MUC4: variants seen among roughly 807,000 people sequenced by gnomAD.
The protein encoded by MUC4 is mucin 4, cell surface associated.
In MUC4, 202 loss-of-function variants were observed where a neutral mutation model predicts 257.9. The observed-to-expected ratio is 0.78, with a 90% CI of 0.70 to 0.88. The LOEUF (loss-of-function observed/expected upper bound fraction) is 0.88, where lower values mean the gene tolerates loss of function less well. Ranked by LOEUF, MUC4 falls within the 40% of genes least tolerant of loss-of-function variation. MUC4 has a pLI of 0.00. For missense variants in MUC4, 5,976 were observed against 6,513.7 expected (o/e 0.92, Z 2.84); for synonymous variants, 2,351 against 2,757.1 (o/e 0.85, Z 4.62).
chr3:195,761,143 C>A (rs1560241359), intron 15 of MUC4, 26 bp from the exon 16 acceptor site: 3 of 1,591,668 alleles, frequency 1.9e-6, no homozygotes, highest in African/African-American at 2.7e-5. Flanking sequence ...CGCGGTGGTA[C>A]CAGGCATGGC....
At position 195,762,211 on chromosome 3, in the gene MUC4, G is replaced by A. The variant is rs1334954401; in HGVS notation, c.14388C>T (p.Asn4796=). The change falls in exon 14 of 25, where the codon AAC becomes AAT. Residue 4796 remains asparagine, a synonymous_variant. Coordinates refer to ENST00000463781, the MANE Select transcript of MUC4 (RefSeq NM_018406.7). Reference sequence around the variant, plus strand: ...CGAAGCTGGCCGAGACCTCAGAGCCGTTGCGGCTCAGGAGGACTCCGGTGG... The same window carrying A: ...CGAAGCTGGCCGAGACCTCAGAGCCATTGCGGCTCAGGAGGACTCCGGTGG... ...FNATGVLLSR[N]GSEVSASFDG... 1.3e-6 allele frequency: 2 copies of A among 1,596,900 alleles called. No individual in the cohort carries two copies. Among genetic ancestry groups the A allele is most frequent in the Admixed American group, 1.7e-5 (1 of 57,960 alleles).
chr3:195,762,115 C>A lies in MUC4; in HGVS notation c.14484G>T (p.Glu4828Asp). The stretch of plus-strand genomic sequence containing the variant: ...GGAGCCCCTCCGTGCGGTTCTGGTA[C>A]TCGGGCGGGAGGCTGGCGGAGGCGT... ...ILHASASLPP[E>D]YQNRTEGLLG... The change falls in exon 14 of 25, where the codon GAG becomes GAT. Residue 4828 changes from glutamate to aspartate, a missense_variant. Physicochemically the swap from Glu to Asp is conservative, Grantham distance 45. Transcript: ENST00000463781. 6.2e-7 allele frequency: 1 copy of A among 1,606,264 alleles called. No individual in the cohort carries two copies. Among genetic ancestry groups the A allele is most frequent in the Non-Finnish European group, 8.5e-7 (1 of 1,178,236 alleles).
At chr3:195,762,402 C>G in intron 13 of MUC4, 148 bp from the exon 14 acceptor site, 1 of 880,344 alleles carries the variant, frequency 1.1e-6, no homozygotes, top group Non-Finnish European at 1.7e-6. Flanking sequence ...AAGAGGCCGG[C>G]GAGCTGCACG....
intron 1 of MUC4, 121 bp downstream of exon 1, chr3:195,811,615 T>C (rs1736757067): frequency 1.3e-6 from 1 of 798,470 alleles, no homozygotes; most frequent in East Asian, 2.7e-5. Context: ...CTCTTCGCTG[T>C]CTCCCTTTCC....
At chr3:195,751,876 T>A in intron 21 of MUC4, 1 of 193,680 alleles carries the variant, frequency 5.2e-6, no homozygotes, top group Non-Finnish European at 1.1e-5. Context: ...TGATTGTCCC[T>A]GTGTTTACAG....
chr3:195,805,155 G>C (rs1410289663), intron 1 of MUC4, among the ~76,000 whole-genome samples: 1 of 151,366 alleles, frequency 6.6e-6, no homozygotes, highest in Non-Finnish European at 1.5e-5. Context: ...CCACCTCCCA[G>C]GTTCAAGTCC....
chr3:195,788,996 C>T lies in MUC4; in HGVS notation c.2584G>A (p.Gly862Arg), dbSNP rs745408247. The T allele has an allele frequency of 6.2e-7, 1 of 1,613,818 alleles. No homozygotes were observed. The highest frequency in any genetic ancestry group is 1.1e-5 in the South Asian group (1 of 91,066). The change falls in exon 2 of 25, where the codon GGA becomes AGA. Residue 862 changes from glycine to arginine, a missense_variant. Around this residue, in one of 44 missense-constraint regions of MUC4, gnomAD observed 1,583 missense variants for 1,257.4 expected, o/e 1.26. Transcript: ENST00000463781. ...CCGGGGACGATCGAAGACGCCATTCCTGTGCTTACTGGGATGGCACCATGA... is the reference window on the plus strand; with the variant it reads ...CCGGGGACGATCGAAGACGCCATTCTTGTGCTTACTGGGATGGCACCATGA... The part of the protein sequence containing the change: ...ASHGAIPVST[G>R]MASSIVPGTF...
intron 14 of MUC4, 136 bp from the exon 15 acceptor site, chr3:195,761,721 G>A (rs560173059): frequency 2.9e-6 from 2 of 684,128 alleles, no homozygotes; most frequent in East Asian, 2.7e-5. Context: ...GCCTCCAGGG[G>A]AGCCGGGAGG....
chr3:195,756,903 C>T (rs1717788155), intron 18 of MUC4, among the ~76,000 whole-genome samples: 1 of 152,042 alleles, frequency 6.6e-6, no homozygotes, highest in Admixed American at 6.6e-5. Flanking sequence ...CCTTGTGATC[C>T]GCTTGCCTCA....
Position 195,774,259 on chromosome 3 carries a change from G to T in MUC4, c.12990C>A (p.Phe4330Leu). 6.3e-7 allele frequency: 1 copy of T among 1,599,584 alleles called. No individual in the cohort carries two copies. Among genetic ancestry groups the T allele is most frequent in the Non-Finnish European group, 8.5e-7 (1 of 1,174,016 alleles). ...PYGAGAGDLE[F>L]VRRTVDFTSP... is the part of the protein sequence containing the mutation. ...AGGTGAAGTCCACGGTCCTCCTGAC[G>T]AACTCCAGGTCCCCGGCGCCTGCCC... is the stretch of plus-strand genomic sequence containing the variant. Residue 4330 changes from phenylalanine (F) to leucine (L), a missense_variant, in exon 4 of 25, where the codon TTC (phenylalanine) becomes TTA (leucine). Physicochemically the swap from Phe to Leu is conservative, Grantham distance 22 (BLOSUM62 0). Around this residue, in one of 44 missense-constraint regions of MUC4, gnomAD observed 233 missense variants for 171.2 expected, o/e 1.36. Transcript: ENST00000463781.
intron 2 of MUC4, 86 bp from the exon 3 acceptor site, chr3:195,778,541 A>AG: frequency 1.3e-6 from 2 of 1,553,400 alleles, no homozygotes; most frequent in Non-Finnish European, 8.7e-7. Flanking sequence ...CAGGAGCTGG[A>AG]AGAGGGAGCT....
rs140448681 is a variant in MUC4, at chr3:195,747,221, C to T, written c.16194G>A (p.Gly5398=). The T allele has an allele frequency of 3.1e-6, 5 of 1,614,268 alleles. No homozygotes were observed. In the South Asian group the frequency reaches 4.4e-5, roughly 14 times the overall value. Residue 5398 remains glycine (G), a synonymous_variant, in exon 25 of 25, where the codon GGG becomes GGA. Coordinates refer to ENST00000463781, the MANE Select transcript of MUC4 (RefSeq NM_018406.7). ...FVVLRFWGCS[G]ARFSYFLNSA... is the part of the protein sequence containing the mutation. ...AGTTCAGGAAATAGGAGAACCTGGC[C>T]CCGGAGCAACCCCAGAAGCGCAGGA...
rs1717439060 is a variant in MUC4, at chr3:195,755,270, A to G, written c.15169-898T>C. Among the ~76,000 whole-genome samples the G allele has an allele frequency of 6.6e-6, 1 of 151,464 alleles. No individual in the cohort carries two copies. Among genetic ancestry groups the G allele is most frequent in the African/African-American group, 2.4e-5 (1 of 41,172 alleles). ...CAGTGCAGTGTCTCGATCTCGGCTC[A>G]CTGCAATGTCCCCCTCCCAAGTTAA... On this transcript the variant is annotated intron_variant, in intron 18 of 24. Transcript: ENST00000463781. The surrounding 1 kb of genome is among the most constrained non-coding windows in gnomAD (Gnocchi z 5.0).
rs111507306 is a variant in MUC4 at position 195,767,092 on chromosome 3, G to C, written c.13530-341C>G. ...CTTCAACAAGCAGAGGGTTTGGAGC[G>C]GGACAGACTCTAGGGACAGTGTATT... On this transcript the variant is annotated intron_variant, in intron 7 of 24. Transcript: ENST00000463781. 3.4e-4 allele frequency among the ~76,000 whole-genome samples: 51 copies of C among 152,158 alleles called. 1 individual carries two copies. The highest frequency in any genetic ancestry group is 1.2e-3 in the African/African-American group (48 of 41,506).
At position 195,789,301 on chromosome 3, in the gene MUC4, G is replaced by T. The variant is rs1472854835; in HGVS notation, c.2279C>A (p.Ala760Asp). The part of the protein sequence containing the change: ...GPEGQWTSAS[A>D]STSPDTAAAM... ...TGCTGCTGTGTCAGGTGAGGTGCTGGCAGAGGCTGATGTCCATTGTCCTTC... is the reference window on the plus strand; with the variant it reads ...TGCTGCTGTGTCAGGTGAGGTGCTGTCAGAGGCTGATGTCCATTGTCCTTC... The change falls in exon 2 of 25, where the codon GCC becomes GAC. Residue 760 changes from alanine to aspartate, a missense_variant. Transcript: ENST00000463781. The T allele has an allele frequency of 6.2e-7, 1 of 1,613,806 alleles. No homozygotes were observed. Among genetic ancestry groups the T allele is most frequent in the Non-Finnish European group, 8.5e-7 (1 of 1,179,874 alleles).
rs1715247386 is a variant in MUC4, at chr3:195,747,378, C to T, written c.16037G>A (p.Cys5346Tyr). The change falls in exon 25 of 25, where the codon TGT becomes TAT. Residue 5346 changes from cysteine (C) to tyrosine (Y), a missense_variant and splice_region_variant. This residue lies in a region of MUC4 where 310 missense variants were observed against 242.1 expected (regional missense o/e 1.28). Transcript: ENST00000463781. ...GGCCGTGTAGATGGAGAAGGACACA[C>T]AGCTGGTGACCAAGAGAGACAGACA... The part of the protein sequence containing the change: ...QHLPSGPRCS[C>Y]VSFSIYTAWG... 1 of 1,613,530 alleles carries T rather than the reference C, an allele frequency of 6.2e-7. No individual in the cohort carries two copies. The highest frequency in any genetic ancestry group is 8.5e-7 in the Non-Finnish European group (1 of 1,179,670).
chr3:195,788,570 C>G lies in MUC4; in HGVS notation c.3010G>C (p.Gly1004Arg), dbSNP rs766064031. The G allele has an allele frequency of 1.3e-6, 2 of 1,560,874 alleles. No homozygotes were observed. The highest frequency in any genetic ancestry group is 2.4e-5 in the South Asian group (2 of 84,722). ...HVTDASSVST[G>R]HATPLPVTSP... Reference sequence around the variant, plus strand: ...GTGACAGGAAGAGGGGTGGCGTGACCTGTGGATACTGAGGAAGCATCGGTG... The same window carrying G: ...GTGACAGGAAGAGGGGTGGCGTGACGTGTGGATACTGAGGAAGCATCGGTG... The change falls in exon 2 of 25, where the codon GGT (glycine) becomes CGT (arginine). Residue 1004 changes from glycine (G) to arginine (R), a missense_variant. This residue lies in a region of MUC4 where 1,583 missense variants were observed against 1,257.4 expected (regional missense o/e 1.26). Transcript: ENST00000463781.
In MUC4 at chr3:195,784,931, C is replaced by T. The variant is rs1730710667; in HGVS notation, c.6649G>A (p.Ala2217Thr). ...TPLPVTSPSSASTGHAIPLLV... is the reference protein window; with the variant it reads ...TPLPVTSPSSTSTGHAIPLLV... Reference sequence around the variant, plus strand: ...AGAGGGATGGCGTGACCTGTGGATGCTGAGGAAGGGCTGGTGACAGGAAGA... The same window carrying T: ...AGAGGGATGGCGTGACCTGTGGATGTTGAGGAAGGGCTGGTGACAGGAAGA... Residue 2217 changes from alanine (A) to threonine (T), a missense_variant, in exon 2 of 25, where the codon GCA (alanine) becomes ACA (threonine). Transcript: ENST00000463781. The T allele has an allele frequency of 7.0e-7, 1 of 1,435,364 alleles. No individual in the cohort carries two copies. The highest frequency in any genetic ancestry group is 1.3e-5 in the South Asian group (1 of 78,386). 88.9% of individuals were successfully genotyped at this position (1,435,364 alleles called of 1,614,324 possible).
At position 195,806,096 on chromosome 3, in the gene MUC4, A is replaced by T. The variant is rs372177243; in HGVS notation, c.82+5640T>A. ...ACGCCACAGCACTTCAGCCTGGGTG[A>T]CACAGTGAGACTCTGTCTCAAAAAT... On this transcript the variant is annotated intron_variant, in intron 1 of 24. Coordinates refer to ENST00000463781, the MANE Select transcript of MUC4 (RefSeq NM_018406.7). 3.3e-3 allele frequency among the ~76,000 whole-genome samples: 508 copies of T among 152,332 alleles called. 1 individual carries two copies. Among genetic ancestry groups the T allele is most frequent in the South Asian group, 8.5e-3 (41 of 4,824 alleles).
Sources: allele counts gnomAD v4.1 joint callset (sites outside exome capture counted in the v4.1 genomes callset), GRCh38; gene constraint gnomAD v4.1.1; regional missense constraint gnomAD v4.1.1; non-coding constraint Gnocchi (gnomAD v3.1); transcripts MANE v1.5; gene names NCBI Gene and HGNC (gene_info 2026-07-23, HGNC 2026-07-21).